The following ENTREP2 variants were observed in gnomAD, a reference collection of about 807,000 sequenced individuals.
The protein encoded by ENTREP2 is protein ENTREP2.
chr15:29,163,056 A>G, the ENTREP2 span, among the ~76,000 whole-genome samples: 16 of 152,128 alleles, frequency 1.1e-4, no homozygotes, highest in African/African-American at 3.6e-4. Flanking sequence ...CCCAGAAGAG[A>G]GACAACAATC....
chr15:29,609,046 C>A, the ENTREP2 span, among the ~76,000 whole-genome samples: 6 of 151,052 alleles, frequency 4.0e-5, 1 homozygote, highest in Admixed American at 2.7e-4. Flanking sequence ...CTTCTTTCAG[C>A]CCCTCAAACC....
chr15:29,362,054 C>T, the ENTREP2 span, among the ~76,000 whole-genome samples: 1 of 152,282 alleles, frequency 6.6e-6, no homozygotes, highest in South Asian at 2.1e-4. Flanking sequence ...TAAAGAAACA[C>T]ACAGACTCTG....
the ENTREP2 span, among the ~76,000 whole-genome samples, chr15:29,369,470 A>G: frequency 1.3e-5 from 2 of 152,188 alleles, no homozygotes; most frequent in African/African-American, 4.8e-5. Context: ...ATCCAGCAAA[A>G]CTATCCCTCG....
the ENTREP2 span, among the ~76,000 whole-genome samples, chr15:29,621,129 C>A: frequency 6.6e-6 from 1 of 152,020 alleles, no homozygotes; most frequent in South Asian, 2.1e-4. Context: ...GTGGCTCATG[C>A]CTGTAATCCC....
chr15:29,456,661 AG>A, the ENTREP2 span, among the ~76,000 whole-genome samples: 1 of 152,222 alleles, frequency 6.6e-6, no homozygotes, highest in Admixed American at 6.5e-5. Flanking sequence ...GAAACCCTGG[AG>A]AAAATATGTA....
the ENTREP2 span, among the ~76,000 whole-genome samples, chr15:29,420,100 G>A: frequency 6.6e-6 from 1 of 152,120 alleles, no homozygotes; most frequent in East Asian, 1.9e-4. Flanking sequence ...AGAGAAGAGA[G>A]AACAACCCAT....
At chr15:29,220,062 T>C in the ENTREP2 span, among the ~76,000 whole-genome samples, 1 of 152,016 alleles carries the variant, frequency 6.6e-6, no homozygotes, top group African/African-American at 2.4e-5. Flanking sequence ...AAGCTTTAAG[T>C]AGAGAGGCGA....
chr15:29,422,113 C>CA, the ENTREP2 span, among the ~76,000 whole-genome samples: 1 of 152,092 alleles, frequency 6.6e-6, no homozygotes, highest in African/African-American at 2.4e-5. Flanking sequence ...ACTAAAAATA[C>CA]AAAAAATTTA....
chr15:29,249,201 G>C, the ENTREP2 span, among the ~76,000 whole-genome samples: 1 of 152,192 alleles, frequency 6.6e-6, no homozygotes, highest in African/African-American at 2.4e-5. Context: ...CCAGCTACTT[G>C]GGAGGCTGAG....
the ENTREP2 span, among the ~76,000 whole-genome samples, chr15:29,378,744 T>C: frequency 1.3e-5 from 2 of 151,982 alleles, no homozygotes; most frequent in Non-Finnish European, 2.9e-5. Flanking sequence ...TCTATATACA[T>C]ATACATACAT....
chr15:29,450,136 T>C, the ENTREP2 span, among the ~76,000 whole-genome samples: 1 of 152,180 alleles, frequency 6.6e-6, no homozygotes, highest in Non-Finnish European at 1.5e-5. Flanking sequence ...TCCTTGTAGA[T>C]TCTGAATATT....
At chr15:29,552,799 A>C in the ENTREP2 span, among the ~76,000 whole-genome samples, 1 of 152,180 alleles carries the variant, frequency 6.6e-6, no homozygotes. Context: ...TGTTTGCAGA[A>C]TTTTAAAGTA....
chr15:29,263,721 C>T, the ENTREP2 span, among the ~76,000 whole-genome samples: 1 of 152,178 alleles, frequency 6.6e-6, no homozygotes, highest in South Asian at 2.1e-4. Flanking sequence ...ATAACTTCAT[C>T]ACCTAGAGGG....
At chr15:29,531,653 T>C in the ENTREP2 span, among the ~76,000 whole-genome samples, 1 of 152,262 alleles carries the variant, frequency 6.6e-6, no homozygotes, top group East Asian at 1.9e-4. Context: ...GTTTGAAATA[T>C]GTAAACATTA....
the ENTREP2 span, among the ~76,000 whole-genome samples, chr15:29,604,341 C>A: frequency 3.1e-4 from 47 of 152,228 alleles, no homozygotes; most frequent in Non-Finnish European, 4.0e-4. Context: ...GTACAATCTT[C>A]GGTGATGGTA....
the ENTREP2 span, among the ~76,000 whole-genome samples, chr15:29,307,973 T>G: frequency 1.3e-5 from 2 of 152,324 alleles, no homozygotes; most frequent in South Asian, 4.1e-4. Flanking sequence ...AAAAAATTAT[T>G]TTAGAAGAGA....
At chr15:29,433,809 T>G in the ENTREP2 span, among the ~76,000 whole-genome samples, 1 of 149,298 alleles carries the variant, frequency 6.7e-6, no homozygotes, top group Admixed American at 6.7e-5. Context: ...ACAGCTACCT[T>G]CTGGCCCTAG....
chr15:29,566,291 T>C, the ENTREP2 span, among the ~76,000 whole-genome samples: 6 of 151,424 alleles, frequency 4.0e-5, no homozygotes, highest in Non-Finnish European at 8.8e-5. Flanking sequence ...CCAGAGCAGC[T>C]GGAACTACAG....
chr15:29,570,662 C>A, the ENTREP2 span: 8 of 1,300,322 alleles, frequency 6.2e-6, no homozygotes, highest in African/African-American at 1.2e-4. Flanking sequence ...CTCGCGCAGG[C>A]GGGACAGGCT....
Sources: gnomAD v4.1 joint callset for allele counts (sites outside exome capture counted in the v4.1 genomes callset) on GRCh38, gnomAD v4.1.1 for gene constraint, MANE v1.5 for transcripts, NCBI Gene and HGNC (gene_info 2026-07-23, HGNC 2026-07-21) for gene names.